FREM3: variants seen among roughly 807,000 people sequenced by gnomAD.
FREM3 encodes the protein FRAS1 related extracellular matrix 3.
In FREM3, 105 loss-of-function variants were observed where a neutral mutation model predicts 129.1. The ratio of observed to expected loss-of-function variants is 0.81; its 90% CI spans 0.69 to 0.96. FREM3 has a LOEUF of 0.96. Among genes scored for constraint, FREM3 ranks in the 40% least tolerant of loss-of-function variants. FREM3 has a pLI of 0.00. For missense variants in FREM3, 2,593 were observed against 2,666.3 expected, an observed-to-expected ratio of 0.97 and a Z score of 0.61; for synonymous variants, 1,014 against 1,044.9, an observed-to-expected ratio of 0.97 and a Z score of 0.57.
rs1740644482 is a variant in FREM3, at chr4:143,699,285, T to G, written c.1391A>C (p.Asn464Thr). The G allele has an allele frequency of 3.3e-6, 5 of 1,537,316 alleles. No individual in the cohort carries two copies. Among genetic ancestry groups the G allele is most frequent in the Non-Finnish European group, 4.4e-6 (5 of 1,146,930 alleles). ...THSIPISDKD[N>T]LEEVKMAAVR... ...TGCAGCCATTTTCACCTCTTCCAGGTTATCTTTATCACTGATAGGAATGCT... is the reference window on the plus strand; with the variant it reads ...TGCAGCCATTTTCACCTCTTCCAGGGTATCTTTATCACTGATAGGAATGCT... Residue 464 changes from asparagine (N) to threonine (T), a missense_variant, in exon 1 of 8, where the codon AAC becomes ACC. Coordinates refer to ENST00000329798, the MANE Select transcript of FREM3 (RefSeq NM_001168235.2). The surrounding 1 kb of genome is among the most constrained non-coding windows in gnomAD (Gnocchi z 4.2).
intron 6 of FREM3, among the ~76,000 whole-genome samples, chr4:143,604,592 C>G (rs1738633937): frequency 6.6e-6 from 1 of 152,068 alleles, no homozygotes; most frequent in South Asian, 2.1e-4. Context: ...AAGGGCAGAT[C>G]TCAAATCTCA....
chr4:143,668,541 G>T (rs1424102183), intron 2 of FREM3, among the ~76,000 whole-genome samples: 1 of 152,144 alleles, frequency 6.6e-6, no homozygotes, highest in Non-Finnish European at 1.5e-5. Flanking sequence ...CTTAATGTTG[G>T]CTTGTTTGGC....
chr4:143,672,109 G>A (rs1740008476), intron 2 of FREM3, among the ~76,000 whole-genome samples: 1 of 152,192 alleles, frequency 6.6e-6, no homozygotes. Flanking sequence ...CAGAGCAGCA[G>A]TGTATCTTCA....
At chr4:143,583,514 C>A (rs142075509) in intron 7 of FREM3, among the ~76,000 whole-genome samples, 1 of 152,072 alleles carries the variant, frequency 6.6e-6, no homozygotes, top group East Asian at 1.9e-4. Context: ...TCATCAGACT[C>A]TCCAAGGTTG....
At chr4:143,658,209 C>T (rs566291389) in intron 2 of FREM3, among the ~76,000 whole-genome samples, 4 of 152,282 alleles carry the variant, frequency 2.6e-5, no homozygotes, top group South Asian at 2.1e-4. Context: ...CAACCCCAAA[C>T]GAGATGGTAT....
intron 2 of FREM3, among the ~76,000 whole-genome samples, chr4:143,691,101 T>C (rs1351137304): frequency 6.6e-6 from 1 of 152,214 alleles, no homozygotes; most frequent in African/African-American, 2.4e-5. Flanking sequence ...ATCCACTGGA[T>C]AAATGAATGT....
intron 6 of FREM3, among the ~76,000 whole-genome samples, chr4:143,589,786 T>A (rs934029002): frequency 2.0e-5 from 3 of 152,198 alleles, no homozygotes; most frequent in African/African-American, 7.2e-5. Flanking sequence ...AGAAAGTCAT[T>A]GGTGTCTTGA....
chr4:143,667,871 G>A (rs1017201957), intron 2 of FREM3, among the ~76,000 whole-genome samples: 1 of 152,082 alleles, frequency 6.6e-6, no homozygotes. Flanking sequence ...GTTTTCTGAT[G>A]TTCTTAGCTT....
intron 2 of FREM3, among the ~76,000 whole-genome samples, chr4:143,671,877 C>A (rs951141792): frequency 6.6e-6 from 1 of 152,170 alleles, no homozygotes; most frequent in Admixed American, 6.6e-5. Flanking sequence ...AACGTGTGAG[C>A]AGGATCTAAA....
chr4:143,597,911 C>G (rs1165342539), intron 6 of FREM3, among the ~76,000 whole-genome samples: 1 of 152,222 alleles, frequency 6.6e-6, no homozygotes, highest in Non-Finnish European at 1.5e-5. Flanking sequence ...ACTTGGAAGT[C>G]TAAGATCAAA....
intron 6 of FREM3, among the ~76,000 whole-genome samples, chr4:143,591,367 G>A (rs1738358103): frequency 6.6e-6 from 1 of 152,260 alleles, no homozygotes; most frequent in Non-Finnish European, 1.5e-5. Flanking sequence ...GCTTTCTCTT[G>A]TGGGCATTTA....
chr4:143,587,749 C>T (rs7684467), intron 6 of FREM3, among the ~76,000 whole-genome samples: 150,958 of 152,302 alleles, frequency 0.99, 74,826 homozygotes, highest in Middle Eastern at 1. Context: ...ATGGGCACTT[C>T]TGCAGGTTCT....
In FREM3 at chr4:143,598,631, G is replaced by A. The variant is rs80210372; in HGVS notation, c.6029-12638C>T. Among the ~76,000 whole-genome samples the A allele has an allele frequency of 7.7e-3, 1,174 of 152,096 alleles. 21 individuals carry two copies. The highest frequency in any genetic ancestry group is 0.027 in the African/African-American group (1,124 of 41,476). ...CTGTGCTAGGGGCTTTGGACAAGAGGGTGTCTTGAACTCTCCTACCAGTTT... is the reference window on the plus strand; with the variant it reads ...CTGTGCTAGGGGCTTTGGACAAGAGAGTGTCTTGAACTCTCCTACCAGTTT... On this transcript the variant is annotated intron_variant, in intron 6 of 7. Transcript: ENST00000329798.
In FREM3 at chr4:143,693,210, A is replaced by C; in HGVS notation, c.5186-8T>G. ...TCATCTCATCAATGTCAGCTAAAAA[A>C]AAAGCAACCATCACACAAAGTCATA... On this transcript the variant is annotated splice_polypyrimidine_tract_variant and splice_region_variant and intron_variant, in intron 1 of 7. Transcript: ENST00000329798. The C allele has an allele frequency of 6.9e-7, 1 of 1,456,858 alleles. No homozygotes were observed. Among genetic ancestry groups the C allele is most frequent in the South Asian group, 1.3e-5 (1 of 74,352 alleles). 90.2% of individuals were successfully genotyped at this position (1,456,858 alleles called of 1,614,324 possible).
intron 3 of FREM3, among the ~76,000 whole-genome samples, chr4:143,626,179 C>T (rs1030321713): frequency 1.2e-4 from 18 of 152,080 alleles, no homozygotes; most frequent in African/African-American, 1.7e-4. Flanking sequence ...AGAGTACTTA[C>T]GGAACAGAAG....
intron 6 of FREM3, among the ~76,000 whole-genome samples, chr4:143,586,706 C>T (rs1738249916): frequency 6.6e-6 from 1 of 152,168 alleles, no homozygotes. Context: ...AGCAAATACA[C>T]TTATCCATAC....
intron 6 of FREM3, among the ~76,000 whole-genome samples, chr4:143,599,777 C>CAGGGCTAGATTT (rs955841486): frequency 2.6e-5 from 4 of 151,988 alleles, no homozygotes; most frequent in African/African-American, 9.7e-5. Context: ...GGGCTAGATT[C>CAGGGCTAGATTT]AGGGGTACAT....
At chr4:143,591,812 A>C (rs1184481725) in intron 6 of FREM3, among the ~76,000 whole-genome samples, 2 of 152,094 alleles carry the variant, frequency 1.3e-5, no homozygotes, top group African/African-American at 2.4e-5. Flanking sequence ...TTTCTGTCTC[A>C]CTGATCTGTC....
chr4:143,650,944 AT>A (rs971705701), intron 2 of FREM3, among the ~76,000 whole-genome samples: 1 of 152,102 alleles, frequency 6.6e-6, no homozygotes, highest in Non-Finnish European at 1.5e-5. Flanking sequence ...TGAACTATGA[AT>A]TTTTTCAATG....
Sources: gnomAD v4.1 joint callset for allele counts (sites outside exome capture counted in the v4.1 genomes callset) on GRCh38, gnomAD v4.1.1 for gene constraint, Gnocchi (gnomAD v3.1) non-coding constraint, MANE v1.5 for transcripts, NCBI Gene and HGNC (gene_info 2026-07-23, HGNC 2026-07-21) for gene names.